The following EEFSEC variants were observed in gnomAD, a reference collection of about 807,000 sequenced individuals.
The protein encoded by EEFSEC is eukaryotic elongation factor, selenocysteine-tRNA specific.
EEFSEC carries 43 observed loss-of-function variants against 42.1 expected under a neutral mutation model. The observed-to-expected ratio is 1.02, with a 90% CI of 0.80 to 1.32. The LOEUF (loss-of-function observed/expected upper bound fraction) is 1.32. Among genes scored for constraint, EEFSEC ranks in the 40% most tolerant of loss-of-function variants. The pLI is 0.00. For synonymous variants in EEFSEC, 354 were observed against 339.1 expected, an observed-to-expected ratio of 1.04 and a Z score of -0.48; for missense variants, 745 against 803.6, an observed-to-expected ratio of 0.93 and a Z score of 0.88.
At position 128,272,087 on chromosome 3, in the gene EEFSEC, G is replaced by A. The variant is rs567349037; in HGVS notation, c.786+7306G>A. On this transcript the variant is annotated intron_variant, in intron 4 of 6. Transcript: ENST00000254730. ...GCTGGAGACGTCTGGATGTCATCAGGAGTGCTGGCTGGCTCCAGAACTGGC... is the reference window on the plus strand; with the variant it reads ...GCTGGAGACGTCTGGATGTCATCAGAAGTGCTGGCTGGCTCCAGAACTGGC... Among the ~76,000 whole-genome samples the A allele has an allele frequency of 2.6e-5, 4 of 152,322 alleles. No homozygotes were observed. In the South Asian group the frequency reaches 8.3e-4, roughly 32 times the overall value.
intron 5 of EEFSEC, among the ~76,000 whole-genome samples, chr3:128,351,351 G>A (rs992680618): frequency 1.3e-5 from 2 of 152,128 alleles, no homozygotes; most frequent in Non-Finnish European, 2.9e-5. Flanking sequence ...TCAAGTCTTA[G>A]GTGTTATCAT....
chr3:128,419,977 G>A, the EEFSEC span, among the ~76,000 whole-genome samples: 2 of 152,164 alleles, frequency 1.3e-5, no homozygotes, highest in South Asian at 4.1e-4. Flanking sequence ...CCAAGACCCA[G>A]AGACAGTGAG....
chr3:128,334,154 C>T (rs1471434951), intron 4 of EEFSEC, among the ~76,000 whole-genome samples: 2 of 152,238 alleles, frequency 1.3e-5, no homozygotes, highest in Non-Finnish European at 2.9e-5. Flanking sequence ...CTGCCTCTGC[C>T]ACATCTGAGT....
intron 1 of EEFSEC, among the ~76,000 whole-genome samples, chr3:128,199,301 C>G (rs2065619485): frequency 6.6e-6 from 1 of 152,202 alleles, no homozygotes; most frequent in South Asian, 2.1e-4. Context: ...GTGATGTTAA[C>G]AGAGGGTTGG....
In EEFSEC at chr3:128,341,523, C is replaced by A. The variant is rs2067252316; in HGVS notation, c.1077C>A (p.Asp359Glu). 1 of 1,614,002 alleles carries A rather than the reference C, an allele frequency of 6.2e-7. No homozygotes were observed. The change falls in exon 5 of 7, where the codon GAC becomes GAA. Residue 359 changes from aspartate (D) to glutamate (E), a missense_variant. Physicochemically the swap from Asp to Glu is conservative, Grantham distance 45. Transcript: ENST00000254730. ...MFFSPAPDNF[D>E]QEPILDSFNF... ...TCAGTCCTGCTCCAGATAACTTTGA[C>A]CAGGAGCCTATACTGGACTCTTTCA... is the stretch of plus-strand genomic sequence containing the variant.
chr3:128,255,534 C>T (rs976123242), intron 2 of EEFSEC, among the ~76,000 whole-genome samples: 1 of 152,214 alleles, frequency 6.6e-6, no homozygotes, highest in African/African-American at 2.4e-5. Flanking sequence ...ACCCCCATTG[C>T]TCTTGGGAGC....
At chr3:128,370,623 C>T (rs992580437) in intron 6 of EEFSEC, among the ~76,000 whole-genome samples, 2 of 152,220 alleles carry the variant, frequency 1.3e-5, no homozygotes, top group African/African-American at 4.8e-5. Flanking sequence ...CCTTCTCTTT[C>T]TCCCTCTCCC....
chr3:128,313,820 G>T (rs2066915812), intron 4 of EEFSEC, among the ~76,000 whole-genome samples: 1 of 152,224 alleles, frequency 6.6e-6, no homozygotes, highest in Non-Finnish European at 1.5e-5. Flanking sequence ...AAAGGCAAAA[G>T]ATGCCAAGGT....
chr3:128,405,056 G>C (rs1391167036), intron 6 of EEFSEC, among the ~76,000 whole-genome samples: 3 of 147,064 alleles, frequency 2.0e-5, no homozygotes, highest in Non-Finnish European at 3.0e-5. Context: ...TCGCTCTGTT[G>C]CCCAGGCTGG....
At chr3:128,390,285 G>A (rs922195751) in intron 6 of EEFSEC, among the ~76,000 whole-genome samples, 6 of 152,246 alleles carry the variant, frequency 3.9e-5, no homozygotes, top group African/African-American at 1.4e-4. Context: ...CTCTGTTAAT[G>A]TGTACTATAT....
At chr3:128,388,858 G>A (rs1047703649) in intron 6 of EEFSEC, among the ~76,000 whole-genome samples, 2 of 152,286 alleles carry the variant, frequency 1.3e-5, no homozygotes, top group South Asian at 4.1e-4. Flanking sequence ...AGAGGTAGAG[G>A]GTCCCCAAGC....
chr3:128,322,584 C>T (rs183724430), intron 4 of EEFSEC, among the ~76,000 whole-genome samples: 5 of 152,346 alleles, frequency 3.3e-5, no homozygotes, highest in Admixed American at 6.5e-5. Context: ...AATGGGCCCA[C>T]CTTAGCCCAA....
At chr3:128,329,599 C>T (rs912335140) in intron 4 of EEFSEC, among the ~76,000 whole-genome samples, 1 of 152,204 alleles carries the variant, frequency 6.6e-6, no homozygotes, top group Non-Finnish European at 1.5e-5. Context: ...GCCTGGCAGT[C>T]AGGAAGCCAG....
At chr3:128,262,055 G>A (rs1394429930) in intron 2 of EEFSEC, 73 bp from the exon 3 acceptor site, 2 of 1,421,312 alleles carry the variant, frequency 1.4e-6, no homozygotes, top group Non-Finnish European at 2.0e-6. Flanking sequence ...ACTGTGCCAG[G>A]TGCTTCATGG....
At chr3:128,168,302 T>A (rs1436888187) in intron 1 of EEFSEC, among the ~76,000 whole-genome samples, 1 of 152,164 alleles carries the variant, frequency 6.6e-6, no homozygotes, top group Admixed American at 6.5e-5. Context: ...GTTTGTTGAC[T>A]ACATGACAAA....
chr3:128,372,002 G>A (rs891278700), intron 6 of EEFSEC, among the ~76,000 whole-genome samples: 8 of 152,220 alleles, frequency 5.3e-5, no homozygotes, highest in Non-Finnish European at 1.0e-4. Context: ...CCCTTACACA[G>A]TGAATGCAAC....
At chr3:128,226,026 C>T (rs774514846) in intron 1 of EEFSEC, among the ~76,000 whole-genome samples, 3 of 152,124 alleles carry the variant, frequency 2.0e-5, no homozygotes, top group Non-Finnish European at 2.9e-5. Context: ...CAGGATATGC[C>T]GGAGAACAGA....
intron 1 of EEFSEC, among the ~76,000 whole-genome samples, chr3:128,224,084 T>C (rs568106503): frequency 6.6e-6 from 1 of 152,330 alleles, no homozygotes; most frequent in African/African-American, 2.4e-5. Flanking sequence ...ACAGTTTTTT[T>C]GTTTTTACCT....
chr3:128,223,772 A>G lies in EEFSEC; in HGVS notation c.317-23064A>G, dbSNP rs540979729. On this transcript the variant is annotated intron_variant, in intron 1 of 6. Transcript: ENST00000254730. ...AAGCAGTCATAGGATGTCCATGAGC[A>G]TGTGCCCATGTGCGTGCATGTTGTG... Among the ~76,000 whole-genome samples the G allele has an allele frequency of 2.3e-3, 346 of 152,340 alleles. 2 individuals are homozygous for G. The highest frequency in any genetic ancestry group is 7.5e-3 in the African/African-American group (312 of 41,586).
Sources: allele counts gnomAD v4.1 joint callset (sites outside exome capture counted in the v4.1 genomes callset), GRCh38; gene constraint gnomAD v4.1.1; transcripts MANE v1.5; gene names NCBI Gene and HGNC (gene_info 2026-07-23, HGNC 2026-07-21).